TMEM108: variants seen among roughly 807,000 people sequenced by gnomAD.
TMEM108 encodes cancer/testis antigen 124.
TMEM108 carries 12 observed loss-of-function variants against 35.1 expected under a neutral mutation model. That is an observed-to-expected ratio of 0.34 (90% CI 0.22 to 0.55). The LOEUF (loss-of-function observed/expected upper bound fraction) is 0.55. Ranked by LOEUF, TMEM108 falls within the 20% of genes least tolerant of loss-of-function variation. The pLI, the probability that TMEM108 is intolerant of heterozygous loss-of-function variation, is 0.89. For missense variants in TMEM108, 680 were observed against 753.3 expected, an observed-to-expected ratio of 0.90 and a Z score of 1.14; for synonymous variants, 287 against 308.6, an observed-to-expected ratio of 0.93 and a Z score of 0.73.
intron 2 of TMEM108, among the ~76,000 whole-genome samples, chr3:133,077,332 T>C (rs1296498176): frequency 2.6e-5 from 4 of 152,148 alleles, no homozygotes; most frequent in African/African-American, 4.8e-5. Context: ...TTCTCTTTTA[T>C]TGTAGTGATG....
chr3:133,154,539 T>G (rs957313823), intron 2 of TMEM108, among the ~76,000 whole-genome samples: 4 of 152,220 alleles, frequency 2.6e-5, no homozygotes, highest in East Asian at 1.9e-4. Context: ...CCATAAAAAA[T>G]GATGAGTTTA....
intron 3 of TMEM108, among the ~76,000 whole-genome samples, chr3:133,282,135 C>T (rs1195109582): frequency 2.6e-5 from 4 of 151,940 alleles, no homozygotes; most frequent in Admixed American, 1.3e-4. Flanking sequence ...CCAGCCTGGG[C>T]GACAGAGCGA....
chr3:133,152,023 G>A (rs1304253937), intron 2 of TMEM108, among the ~76,000 whole-genome samples: 2 of 152,096 alleles, frequency 1.3e-5, no homozygotes, highest in Non-Finnish European at 2.9e-5. Context: ...GGGTGATGAC[G>A]TATTTATTTG....
At chr3:133,377,718 T>C (rs1436864817) in intron 3 of TMEM108, among the ~76,000 whole-genome samples, 2 of 152,220 alleles carry the variant, frequency 1.3e-5, no homozygotes, top group Non-Finnish European at 2.9e-5. Flanking sequence ...CCCCAACCAC[T>C]GGGTCACAGA....
chr3:133,174,218 G>A (rs955810465), intron 2 of TMEM108, among the ~76,000 whole-genome samples: 2 of 152,254 alleles, frequency 1.3e-5, no homozygotes, highest in Non-Finnish European at 2.9e-5. Context: ...GCTCAAGGAG[G>A]CCAGCCTGCC....
chr3:133,333,294 C>T (rs995541242), intron 3 of TMEM108, among the ~76,000 whole-genome samples: 3 of 152,132 alleles, frequency 2.0e-5, no homozygotes, highest in Non-Finnish European at 4.4e-5. Context: ...AAAATAAACT[C>T]TCTACATTTT....
intron 3 of TMEM108, among the ~76,000 whole-genome samples, chr3:133,243,951 G>T (rs76964012): frequency 0.014 from 2,172 of 152,242 alleles, 62 homozygotes; most frequent in African/African-American, 0.05. Flanking sequence ...AGGGGAAAAG[G>T]GTAGTGGGCC....
rs780066900 is a variant in TMEM108 at position 133,087,333 on chromosome 3, A to AT, written c.-47+41314dup. Among the ~76,000 whole-genome samples, 6 of 152,302 alleles carry AT rather than the reference A, an allele frequency of 3.9e-5. No homozygotes were observed. The South Asian group carries it at 1.2e-3, about 32-fold the overall frequency. On this transcript the variant is annotated intron_variant, in intron 2 of 5. Coordinates refer to ENST00000321871, the MANE Select transcript of TMEM108 (RefSeq NM_023943.4). ...TCTTGTTCTGTCCTATTTAGATGTG[A>AT]TAACGCTGCAGGATAAATCTTCTGG...
intron 3 of TMEM108, among the ~76,000 whole-genome samples, chr3:133,363,701 C>T (rs956503216): frequency 3.5e-4 from 53 of 152,170 alleles, no homozygotes; most frequent in African/African-American, 1.2e-3. Flanking sequence ...CAACTGCTCC[C>T]GGCCTGTTAT....
chr3:133,239,231 TCATCAGCCTG>T (rs1946279807), intron 3 of TMEM108, among the ~76,000 whole-genome samples: 1 of 152,192 alleles, frequency 6.6e-6, no homozygotes, highest in South Asian at 2.1e-4. Context: ...GTAGACCAGT[TCATCAGCCTG>T]CAGTTCCCTT....
In TMEM108 at chr3:133,183,630, G is replaced by A. The variant is rs1214008792; in HGVS notation, c.-46-45636G>A. ...GTAGCATCTCCAGAGTTCTCTGTGAGCTTTGATGTTGGGAGACTGGGGAAT... is the reference window on the plus strand; with the variant it reads ...GTAGCATCTCCAGAGTTCTCTGTGAACTTTGATGTTGGGAGACTGGGGAAT... On this transcript the variant is annotated intron_variant, in intron 2 of 5. Coordinates refer to ENST00000321871, the MANE Select transcript of TMEM108 (RefSeq NM_023943.4). Among the ~76,000 whole-genome samples the A allele has an allele frequency of 2.0e-5, 3 of 152,160 alleles. No individual in the cohort carries two copies. In the East Asian group the frequency reaches 5.8e-4, roughly 29 times the overall value.
At chr3:133,041,778 T>C (rs1266704333) in intron 1 of TMEM108, 2 of 152,176 alleles carry the variant, frequency 1.3e-5, no homozygotes, top group African/African-American at 2.4e-5. Flanking sequence ...TTCTAATTAT[T>C]TGCATGTGAA....
intron 3 of TMEM108, among the ~76,000 whole-genome samples, chr3:133,357,977 T>C (rs2072224776): frequency 6.6e-6 from 1 of 152,152 alleles, no homozygotes; most frequent in Non-Finnish European, 1.5e-5. Flanking sequence ...AAAGACAAGC[T>C]ATAGTTTCTT....
chr3:133,182,800 T>C (rs958326214), intron 2 of TMEM108, among the ~76,000 whole-genome samples: 1 of 152,176 alleles, frequency 6.6e-6, no homozygotes, highest in South Asian at 2.1e-4. Flanking sequence ...CTTGAGAAGA[T>C]AGTATTTCAG....
At chr3:133,134,552 C>T (rs990150157) in intron 2 of TMEM108, among the ~76,000 whole-genome samples, 1 of 149,668 alleles carries the variant, frequency 6.7e-6, no homozygotes, top group African/African-American at 2.4e-5. Flanking sequence ...CTTATTAACG[C>T]TATTTCTTTC....
intron 2 of TMEM108, among the ~76,000 whole-genome samples, chr3:133,076,467 G>A (rs1187556802): frequency 6.6e-6 from 1 of 152,170 alleles, no homozygotes; most frequent in East Asian, 1.9e-4. Flanking sequence ...TCTGTAACAT[G>A]ATGTTGGAGA....
At chr3:133,198,631 A>G (rs1248211728) in intron 2 of TMEM108, among the ~76,000 whole-genome samples, 5 of 152,340 alleles carry the variant, frequency 3.3e-5, no homozygotes, top group Non-Finnish European at 4.4e-5. Context: ...AACAGCAAAC[A>G]GTCTTTACTA....
In TMEM108 at chr3:133,073,114, ATATT is replaced by A. The variant is rs1307423861; in HGVS notation, c.-47+27100_-47+27103del. Among the ~76,000 whole-genome samples the A allele has an allele frequency of 2.6e-5, 4 of 152,142 alleles. No homozygotes were observed. The East Asian group carries it at 5.8e-4, about 22-fold the overall frequency. On this transcript the variant is annotated intron_variant, in intron 2 of 5. Coordinates refer to ENST00000321871, the MANE Select transcript of TMEM108 (RefSeq NM_023943.4). ...CTAATTAAAATATGAATTATCTCAC[ATATT>A]TATTTGTGGTAAGAACACTTAAAAT...
chr3:133,081,020 T>C (rs1404531810), intron 2 of TMEM108, among the ~76,000 whole-genome samples: 1 of 152,214 alleles, frequency 6.6e-6, no homozygotes, highest in Non-Finnish European at 1.5e-5. Context: ...GTTATTCTTA[T>C]CTTTCCACAT....
Sources: gnomAD v4.1 joint callset for allele counts (sites outside exome capture counted in the v4.1 genomes callset) on GRCh38, gnomAD v4.1.1 for gene constraint, MANE v1.5 for transcripts, NCBI Gene and HGNC (gene_info 2026-07-23, HGNC 2026-07-21) for gene names.